CTNNA3: variants seen among roughly 807,000 people sequenced by gnomAD.
CTNNA3 encodes the protein catenin alpha 3.
A neutral mutation model predicts 95.7 loss-of-function variants in CTNNA3; 76 were observed. The ratio of observed to expected loss-of-function variants is 0.79; its 90% CI spans 0.66 to 0.96. The LOEUF (loss-of-function observed/expected upper bound fraction) is 0.96. CTNNA3 is among the 40% of genes least tolerant of loss of function. CTNNA3 has a pLI of 0.00. For synonymous variants in CTNNA3, 431 were observed against 374.4 expected (o/e 1.15, Z -1.74); for missense variants, 1,191 against 1,089.8 (o/e 1.09, Z -1.31).
intron 1 of CTNNA3, among the ~76,000 whole-genome samples, chr10:67,737,183 A>G (rs762375182): frequency 3.3e-5 from 5 of 152,188 alleles, no homozygotes; most frequent in Admixed American, 6.5e-5. Flanking sequence ...TAAAACCACC[A>G]TAACAAAAGA....
At chr10:66,694,594 C>A (rs1847687252) in intron 9 of CTNNA3, among the ~76,000 whole-genome samples, 1 of 152,138 alleles carries the variant, frequency 6.6e-6, no homozygotes, top group Non-Finnish European at 1.5e-5. Flanking sequence ...AAGAGGGAAT[C>A]CTCCCTAACT....
intron 5 of CTNNA3, among the ~76,000 whole-genome samples, chr10:67,439,451 G>A (rs1326752998): frequency 6.6e-6 from 1 of 152,076 alleles, no homozygotes; most frequent in Non-Finnish European, 1.5e-5. Flanking sequence ...CATGGCCGGA[G>A]CAAGAGCAAG....
At chr10:67,419,690 T>C (rs1188679194) in intron 5 of CTNNA3, among the ~76,000 whole-genome samples, 1 of 152,234 alleles carries the variant, frequency 6.6e-6, no homozygotes, top group Non-Finnish European at 1.5e-5. Flanking sequence ...CTAATGTAAT[T>C]TGAATCTTTC....
intron 7 of CTNNA3, among the ~76,000 whole-genome samples, chr10:66,835,727 G>A (rs1483851816): frequency 1.3e-5 from 2 of 152,220 alleles, no homozygotes; most frequent in South Asian, 2.1e-4. Context: ...ATTCAATTAT[G>A]GTCATGATAC....
At chr10:66,623,726 T>G (rs947320561) in intron 9 of CTNNA3, among the ~76,000 whole-genome samples, 3 of 152,162 alleles carry the variant, frequency 2.0e-5, no homozygotes, top group Non-Finnish European at 4.4e-5. Flanking sequence ...AGAGTATATT[T>G]CAAGTCATGT....
At chr10:67,688,699 T>A (rs1840783835) in intron 1 of CTNNA3, among the ~76,000 whole-genome samples, 1 of 152,166 alleles carries the variant, frequency 6.6e-6, no homozygotes, top group African/African-American at 2.4e-5. Flanking sequence ...AGCCTGTTGA[T>A]GCCTGAGTGT....
chr10:66,606,373 A>C (rs2132272072), intron 10 of CTNNA3, among the ~76,000 whole-genome samples: 1 of 152,240 alleles, frequency 6.6e-6, no homozygotes, highest in African/African-American at 2.4e-5. Context: ...GCAGAAAATT[A>C]ACAAAGATTT....
At chr10:66,410,875 A>C (rs2093098814) in intron 11 of CTNNA3, among the ~76,000 whole-genome samples, 1 of 151,576 alleles carries the variant, frequency 6.6e-6, no homozygotes, top group South Asian at 2.1e-4. Flanking sequence ...CTTAAAACTT[A>C]CACCATTAGC....
intron 5 of CTNNA3, among the ~76,000 whole-genome samples, chr10:67,510,407 G>A (rs1445400696): frequency 2.6e-5 from 4 of 151,360 alleles, no homozygotes; most frequent in African/African-American, 4.9e-5. Flanking sequence ...TCTACATATG[G>A]CTAGCCAGTT....
chr10:67,662,224 A>G (rs890440133), intron 1 of CTNNA3, among the ~76,000 whole-genome samples: 3 of 152,182 alleles, frequency 2.0e-5, no homozygotes, highest in Non-Finnish European at 4.4e-5. Flanking sequence ...TTCAACACAC[A>G]TATAATAAAG....
chr10:67,635,472 T>C (rs928768002), intron 2 of CTNNA3, among the ~76,000 whole-genome samples: 1 of 152,130 alleles, frequency 6.6e-6, no homozygotes, highest in Non-Finnish European at 1.5e-5. Flanking sequence ...TTATCCACCA[T>C]GATCGAGTTG....
intron 6 of CTNNA3, among the ~76,000 whole-genome samples, chr10:67,200,384 A>C (rs992062330): frequency 2.0e-5 from 3 of 152,202 alleles, no homozygotes; most frequent in African/African-American, 7.2e-5. Flanking sequence ...GGGACTTTTA[A>C]AATAAAGAAA....
chr10:66,548,166 C>T (rs1842096975), intron 10 of CTNNA3, among the ~76,000 whole-genome samples: 1 of 152,104 alleles, frequency 6.6e-6, no homozygotes, highest in South Asian at 2.1e-4. Flanking sequence ...ATCCGTCCAC[C>T]TCGGCCTCCC....
At chr10:66,725,689 T>C (rs1848759728) in intron 9 of CTNNA3, among the ~76,000 whole-genome samples, 1 of 152,120 alleles carries the variant, frequency 6.6e-6, no homozygotes, top group Non-Finnish European at 1.5e-5. Flanking sequence ...TCAAATATGT[T>C]TGAGCTATAC....
chr10:66,286,751 G>T (rs182894576), intron 12 of CTNNA3, among the ~76,000 whole-genome samples: 4 of 152,024 alleles, frequency 2.6e-5, no homozygotes, highest in Admixed American at 6.6e-5. Context: ...TATTGCTGGG[G>T]ATTCCTTGGC....
chr10:66,088,485 TTGTG>T (rs3074377), intron 14 of CTNNA3, among the ~76,000 whole-genome samples: 27,058 of 139,410 alleles, frequency 0.19, 2,727 homozygotes, highest in Admixed American at 0.28. Flanking sequence ...GGTAGGTGTT[TTGTG>T]TGTGTGTGTG....
chr10:66,174,996 A>T (rs2085631995), intron 13 of CTNNA3, among the ~76,000 whole-genome samples: 2 of 152,176 alleles, frequency 1.3e-5, no homozygotes, highest in Non-Finnish European at 1.5e-5. Flanking sequence ...TATGTAAATG[A>T]TAATCAATGT....
At chr10:66,955,648 C>T (rs973168122) in intron 7 of CTNNA3, among the ~76,000 whole-genome samples, 2 of 152,134 alleles carry the variant, frequency 1.3e-5, no homozygotes, top group Non-Finnish European at 1.5e-5. Context: ...TGCATGACTT[C>T]TGGGAATTAG....
chr10:66,121,173 C>A, intron 13 of CTNNA3, among the ~76,000 whole-genome samples: 1 of 152,136 alleles, frequency 6.6e-6, no homozygotes, highest in East Asian at 1.9e-4. Context: ...AGACTAAGTA[C>A]AACACAGAAG....
Sources: gnomAD v4.1 joint callset for allele counts (sites outside exome capture counted in the v4.1 genomes callset) on GRCh38, gnomAD v4.1.1 for gene constraint, MANE v1.5 for transcripts, NCBI Gene and HGNC (gene_info 2026-07-23, HGNC 2026-07-21) for gene names.